Variants in PALLD observed in about 807,000 individuals in gnomAD.
PALLD encodes the protein palladin.
A neutral mutation model predicts 123.5 loss-of-function variants in PALLD; 61 were observed. The observed-to-expected ratio is 0.49, with a 90% CI of 0.40 to 0.61. The LOEUF (loss-of-function observed/expected upper bound fraction) is 0.61, where lower values mean the gene tolerates loss of function less well. PALLD is among the 20% of genes least tolerant of loss of function. PALLD has a pLI of 0.00. For synonymous variants in PALLD, 465 were observed against 496.4 expected, an observed-to-expected ratio of 0.94 and a Z score of 0.84; for missense variants, 1,273 against 1,377.0, an observed-to-expected ratio of 0.92 and a Z score of 1.20.
intron 8 of PALLD, among the ~76,000 whole-genome samples, chr4:168,702,588 T>C (rs1783783221): frequency 6.6e-6 from 1 of 152,088 alleles, no homozygotes; most frequent in Non-Finnish European, 1.5e-5. Flanking sequence ...GTGTCGGAGA[T>C]GGGACGCCAA....
At chr4:168,652,564 C>T (rs952678793) in intron 2 of PALLD, among the ~76,000 whole-genome samples, 3 of 151,992 alleles carry the variant, frequency 2.0e-5, no homozygotes, top group Non-Finnish European at 4.4e-5. Context: ...AGAGGTTCTA[C>T]GTCAATGAAA....
intron 14 of PALLD, 122 bp from the exon 15 acceptor site, chr4:168,903,635 T>C: frequency 1.3e-6 from 1 of 797,048 alleles, no homozygotes; most frequent in Admixed American, 2.0e-5. Flanking sequence ...AGGTATTTGG[T>C]TTAACATTTT....
intron 10 of PALLD, among the ~76,000 whole-genome samples, chr4:168,780,445 A>C (rs1027607722): frequency 5.9e-5 from 9 of 152,186 alleles, no homozygotes; most frequent in Non-Finnish European, 7.3e-5. Flanking sequence ...GAGAGGCTAG[A>C]TATTTTGCTG....
chr4:168,877,922 G>T lies in PALLD; in HGVS notation c.1965-13000G>T, dbSNP rs370602081. 59 of 1,487,604 alleles carry T rather than the reference G, an allele frequency of 4.0e-5. No homozygotes were observed. The East Asian group carries it at 4.0e-4, about 10-fold the overall frequency. The allele number at this position is 1,487,604 out of a possible 1,614,324, so 92.2% of individuals were successfully genotyped here. A position where few individuals can be genotyped will look rare whatever the true frequency, so the allele number is the denominator to read the frequency against. On this transcript the variant is annotated intron_variant, in intron 10 of 21. Transcript: ENST00000505667. Reference sequence around the variant, plus strand: ...CGCGCTGGCCTCCCGCTCCGCCCCCGCCATGCAGTCCTCCGGCTCCTTCAA... The same window carrying T: ...CGCGCTGGCCTCCCGCTCCGCCCCCTCCATGCAGTCCTCCGGCTCCTTCAA...
At chr4:168,789,243 G>A (rs568019549) in intron 10 of PALLD, among the ~76,000 whole-genome samples, 1 of 152,298 alleles carries the variant, frequency 6.6e-6, no homozygotes, top group South Asian at 2.1e-4. Flanking sequence ...CCATCTTTAA[G>A]AGGAGAGCTC....
intron 10 of PALLD, among the ~76,000 whole-genome samples, chr4:168,835,529 C>A (rs1398389154): frequency 1.3e-5 from 2 of 152,098 alleles, no homozygotes; most frequent in Non-Finnish European, 2.9e-5. Flanking sequence ...TTGAGACACT[C>A]ATTTCTTCTT....
intron 10 of PALLD, among the ~76,000 whole-genome samples, chr4:168,714,727 T>C (rs529777753): frequency 5.3e-5 from 8 of 152,178 alleles, no homozygotes; most frequent in Non-Finnish European, 1.2e-4. Flanking sequence ...CCATCATTTG[T>C]AAACAAACTA....
intron 2 of PALLD, among the ~76,000 whole-genome samples, chr4:168,661,274 T>C (rs537071609): frequency 6.6e-6 from 1 of 152,324 alleles, no homozygotes; most frequent in African/African-American, 2.4e-5. Flanking sequence ...TGTATTTCCT[T>C]ATGTCTACAA....
chr4:168,497,897 C>A (rs1394721558), intron 1 of PALLD, among the ~76,000 whole-genome samples: 1 of 152,116 alleles, frequency 6.6e-6, no homozygotes, highest in Non-Finnish European at 1.5e-5. Context: ...AGGAGGTTGA[C>A]ATAAAATGAT....
intron 10 of PALLD, among the ~76,000 whole-genome samples, chr4:168,822,900 T>C (rs1262733717): frequency 2.6e-5 from 4 of 152,146 alleles, no homozygotes; most frequent in Admixed American, 1.3e-4. Context: ...AAATAGAGAA[T>C]AGGTGGTAGA....
chr4:168,613,558 G>T (rs533296196), intron 2 of PALLD, among the ~76,000 whole-genome samples: 8 of 152,280 alleles, frequency 5.3e-5, no homozygotes, highest in Admixed American at 4.6e-4. Flanking sequence ...TGCAGATTTT[G>T]GTTTTGGCTA....
chr4:168,858,366 G>A (rs1273853272), intron 10 of PALLD, among the ~76,000 whole-genome samples: 1 of 152,156 alleles, frequency 6.6e-6, no homozygotes, highest in African/African-American at 2.4e-5. Context: ...CTTTTATTAA[G>A]ATGCTATCTT....
intron 2 of PALLD, among the ~76,000 whole-genome samples, chr4:168,569,101 A>G (rs913156059): frequency 5.9e-5 from 9 of 152,172 alleles, no homozygotes; most frequent in African/African-American, 2.2e-4. Flanking sequence ...ACAGATGTTT[A>G]CAAAAGAAAA....
chr4:168,716,024 T>G (rs1006849622), intron 10 of PALLD, among the ~76,000 whole-genome samples: 13 of 152,104 alleles, frequency 8.5e-5, no homozygotes, highest in Admixed American at 7.2e-4. Flanking sequence ...AACCTGTGAA[T>G]GGCAAAATGT....
At chr4:168,609,027 C>A (rs1185463079) in intron 2 of PALLD, among the ~76,000 whole-genome samples, 8 of 151,984 alleles carry the variant, frequency 5.3e-5, no homozygotes, top group African/African-American at 9.7e-5. Flanking sequence ...TCTCCAAGGC[C>A]TTAAGAGCAT....
At chr4:168,837,731 A>G (rs1305114903) in intron 10 of PALLD, among the ~76,000 whole-genome samples, 1 of 152,244 alleles carries the variant, frequency 6.6e-6, no homozygotes, top group East Asian at 1.9e-4. Context: ...CAGATCAGAA[A>G]TGGCAAGTCT....
intron 2 of PALLD, among the ~76,000 whole-genome samples, chr4:168,543,697 G>C (rs1765865244): frequency 6.6e-6 from 1 of 152,180 alleles, no homozygotes; most frequent in African/African-American, 2.4e-5. Flanking sequence ...CCCACAACCA[G>C]CCAAGCTGGG....
intron 10 of PALLD, among the ~76,000 whole-genome samples, chr4:168,748,128 T>G (rs1730559345): frequency 6.6e-6 from 1 of 152,222 alleles, no homozygotes; most frequent in African/African-American, 2.4e-5. Flanking sequence ...GAAAAATATA[T>G]ATTTTGTCCT....
Position 168,511,972 on chromosome 4 carries a change from G to A in PALLD, c.468G>A (p.Thr156=), listed in dbSNP as rs146108255. 89 of 1,614,032 alleles carry A rather than the reference G, an allele frequency of 5.5e-5. No homozygotes were observed. In the South Asian group the frequency reaches 5.7e-4, roughly 10 times the overall value. ...CCAGCACAAACGTAAAGCCCAAAACGCCACATCAAAGAAAGGGTGGCCCCC... is the reference window on the plus strand; with the variant it reads ...CCAGCACAAACGTAAAGCCCAAAACACCACATCAAAGAAAGGGTGGCCCCC... ...KTPSTNVKPK[T]PHQRKGGPQS... Residue 156 remains threonine, a synonymous_variant, in exon 2 of 22, where the codon ACG becomes ACA. Coordinates refer to ENST00000505667, the MANE Select transcript of PALLD (RefSeq NM_001166108.2).
Sources: gnomAD v4.1 joint callset for allele counts (sites outside exome capture counted in the v4.1 genomes callset) on GRCh38, gnomAD v4.1.1 for gene constraint, MANE v1.5 for transcripts, NCBI Gene and HGNC (gene_info 2026-07-23, HGNC 2026-07-21) for gene names.